ACAN: variants seen among roughly 807,000 people sequenced by gnomAD.
The protein encoded by ACAN is aggrecan core protein.
In ACAN, 47 loss-of-function variants were observed where a neutral mutation model predicts 169.1. The ratio of observed to expected loss-of-function variants is 0.28; its 90% CI spans 0.22 to 0.35. The LOEUF (loss-of-function observed/expected upper bound fraction) is 0.35. ACAN is among the 10% of genes least tolerant of loss of function. The pLI is 1.00. For synonymous variants in ACAN, 1,115 were observed against 1,112.2 expected, an observed-to-expected ratio of 1.00 and a Z score of -0.05; for missense variants, 2,716 against 2,759.9, an observed-to-expected ratio of 0.98 and a Z score of 0.36.
chr15:88,808,735 G>T (rs78066381), intron 1 of ACAN, among the ~76,000 whole-genome samples: 2,262 of 152,236 alleles, frequency 0.015, 45 homozygotes, highest in African/African-American at 0.049. Flanking sequence ...GAATTATCTG[G>T]CCCAAAATGT....
chr15:88,822,917 A>C (rs141148792), intron 1 of ACAN, among the ~76,000 whole-genome samples: 1 of 152,322 alleles, frequency 6.6e-6, no homozygotes, highest in East Asian at 1.9e-4. Context: ...GGATTGGACT[A>C]GTCACCCCTT....
At chr15:88,854,087 T>G (rs2093933349) in intron 11 of ACAN, among the ~76,000 whole-genome samples, 1 of 152,216 alleles carries the variant, frequency 6.6e-6, no homozygotes, top group Non-Finnish European at 1.5e-5. Context: ...TAGTTAGAAT[T>G]GTGGGGTTTC....
At position 88,857,838 on chromosome 15, in the gene ACAN, A is replaced by G. The variant is rs374041400; in HGVS notation, c.5253A>G (p.Gly1751=). ...CTGACACTAGTGGGGAAACATCTGG[A>G]GTGACTGAGCTTAGCGGGCTGTCCT... The part of the protein sequence containing the change: ...GFPDTSGETS[G]VTELSGLSSG... The change falls in exon 12 of 19, where the codon GGA becomes GGG. Residue 1751 remains glycine (G), a synonymous_variant. Coordinates refer to ENST00000560601, the MANE Select transcript of ACAN (RefSeq NM_001369268.1). 63 of 1,613,730 alleles carry G rather than the reference A, an allele frequency of 3.9e-5. No individual in the cohort carries two copies. Among genetic ancestry groups the G allele is most frequent in the Non-Finnish European group, 4.9e-5 (58 of 1,179,882 alleles).
At chr15:88,845,446 A>T (rs1226404917) in intron 6 of ACAN, 59 bp from the exon 7 acceptor site, 2 of 1,539,512 alleles carry the variant, frequency 1.3e-6, no homozygotes, top group African/African-American at 1.4e-5. Context: ...CCCACTCCTC[A>T]TCCCCCTCAA....
chr15:88,804,215 G>A (rs765223435), intron 1 of ACAN, among the ~76,000 whole-genome samples: 1 of 152,216 alleles, frequency 6.6e-6, no homozygotes. Flanking sequence ...TGGAAGGTGT[G>A]CTTCACCTTC....
At chr15:88,832,545 G>A (rs1192067744) in intron 1 of ACAN, among the ~76,000 whole-genome samples, 5 of 152,296 alleles carry the variant, frequency 3.3e-5, no homozygotes, top group Admixed American at 2.0e-4. Context: ...GGGAGGCAGA[G>A]GTTGCAGTGA....
rs1180368531 is a variant in ACAN at position 88,871,318 on chromosome 15, G to A, written c.7061-64G>A. The A allele has an allele frequency of 1.2e-6, 2 of 1,605,608 alleles. No individual in the cohort carries two copies. Among genetic ancestry groups the A allele is most frequent in the African/African-American group, 1.3e-5 (1 of 74,952 alleles). On this transcript the variant is annotated intron_variant, in intron 14 of 18. Transcript: ENST00000560601. The surrounding 1 kb of genome is among the most constrained non-coding windows in gnomAD (Gnocchi z 7.8). ...ACGCAGGAACCTATGCCATAAGACT[G>A]GCAGCATCTGCCATCCCCTGGTGGC...
intron 1 of ACAN, among the ~76,000 whole-genome samples, chr15:88,827,414 A>G (rs181013863): frequency 1.4e-3 from 216 of 152,364 alleles, no homozygotes; most frequent in Middle Eastern, 0.01. Context: ...TTTAAATTAG[A>G]TACAGATGCA....
At chr15:88,841,911 A>G (rs1415840831) in intron 5 of ACAN, 44 bp downstream of exon 5, 1 of 1,610,248 alleles carries the variant, frequency 6.2e-7, no homozygotes, top group African/African-American at 1.3e-5. Context: ...TCCCTTCCCA[A>G]GGCCACCTTC....
At chr15:88,820,317 AAT>A (rs1896044117) in intron 1 of ACAN, among the ~76,000 whole-genome samples, 1 of 152,108 alleles carries the variant, frequency 6.6e-6, no homozygotes, top group African/African-American at 2.4e-5. Context: ...ACTGGATCAT[AAT>A]AGGAACATGA....
Position 88,849,514 on chromosome 15 carries a change from T to C in ACAN, c.1809T>C (p.Ala603=), listed in dbSNP as rs1568116. Residue 603 remains alanine, a synonymous_variant, in exon 10 of 19, where the codon GCT becomes GCC. Transcript: ENST00000560601. This position sits in a 1 kb window ranked among gnomAD's most constrained non-coding sequence, Gnocchi z 5.1. ...EALEFCESHN[A]TLATTGQLYA... ...TGGAGTTCTGTGAATCTCACAATGCTACGCTGGCCACCACGGGCCAGCTCT... is the reference window on the plus strand; with the variant it reads ...TGGAGTTCTGTGAATCTCACAATGCCACGCTGGCCACCACGGGCCAGCTCT... 1,585,313 of 1,607,316 alleles carry C rather than the reference T, an allele frequency of 0.99. 781,843 individuals carry two copies. The highest frequency in any genetic ancestry group is 1 in the East Asian group (44,595 of 44,598).
chr15:88,812,711 A>T (rs556273920), intron 1 of ACAN, among the ~76,000 whole-genome samples: 3 of 152,036 alleles, frequency 2.0e-5, no homozygotes, highest in African/African-American at 7.2e-5. Flanking sequence ...AAAGAAAACA[A>T]ACACCCCCAC....
rs186372667 is a variant in ACAN at position 88,841,002 on chromosome 15, A to G, written c.630-738A>G. ...TACTAAAAAATACAAAAAATTAGCC[A>G]GGCGTGGTGGTGGGCTCCTGTAGTC... On this transcript the variant is annotated intron_variant, in intron 4 of 18. Coordinates refer to ENST00000560601, the MANE Select transcript of ACAN (RefSeq NM_001369268.1). 5.2e-3 allele frequency among the ~76,000 whole-genome samples: 795 copies of G among 152,218 alleles called. 5 individuals are homozygous for G. The highest frequency in any genetic ancestry group is 0.017 in the African/African-American group (696 of 41,554).
intron 1 of ACAN, among the ~76,000 whole-genome samples, chr15:88,810,567 C>A (rs1516796): frequency 0.54 from 81,672 of 151,744 alleles, 22,642 homozygotes; most frequent in East Asian, 0.91. Context: ...AGCCCATCTC[C>A]CTTTGACCTG....
chr15:88,868,033 T>C lies in ACAN; in HGVS notation c.6947-183T>C, dbSNP rs1897307777. ...CCAAGAAAACCCTTGTCTGGATCTT[T>C]GCTTCAGCACTCCAAGATGGCAGCA... On this transcript the variant is annotated intron_variant, in intron 13 of 18. Coordinates refer to ENST00000560601, the MANE Select transcript of ACAN (RefSeq NM_001369268.1). This position sits in a 1 kb window ranked among gnomAD's most constrained non-coding sequence, Gnocchi z 5.2. Among the ~76,000 whole-genome samples, 1 of 152,202 alleles carries C rather than the reference T, an allele frequency of 6.6e-6. No individual in the cohort carries two copies. Among genetic ancestry groups the C allele is most frequent in the Non-Finnish European group, 1.5e-5 (1 of 68,036 alleles).
Position 88,807,998 on chromosome 15 carries a change from G to A in ACAN, c.-8+4189G>A, listed in dbSNP as rs1043285394. ...CTCTTAAGATACACACTCAAAAAAG[G>A]AGCCACCTCTTCTGTGTAGGTCACT... On this transcript the variant is annotated intron_variant, in intron 1 of 18. Coordinates refer to ENST00000560601, the MANE Select transcript of ACAN (RefSeq NM_001369268.1). The surrounding 1 kb of genome is among the most constrained non-coding windows in gnomAD (Gnocchi z 4.0). Among the ~76,000 whole-genome samples the A allele has an allele frequency of 6.6e-6, 1 of 152,184 alleles. No homozygotes were observed. Among genetic ancestry groups the A allele is most frequent in the African/African-American group, 2.4e-5 (1 of 41,438 alleles).
rs997609569 is a variant in ACAN at position 88,859,432 on chromosome 15, T to C, written c.6832+15T>C. 6.4e-7 allele frequency: 1 copy of C among 1,552,152 alleles called. No individual in the cohort carries two copies. The highest frequency in any genetic ancestry group is 8.7e-7 in the Non-Finnish European group (1 of 1,147,250). The stretch of plus-strand genomic sequence containing the variant: ...AACTGCTGCAGGTATTGTGATTTTT[T>C]CCCCCTTTAAATGTGCTTAGGTAGT... On this transcript the variant is annotated intron_variant, in intron 12 of 18. Transcript: ENST00000560601.
In ACAN at chr15:88,873,455, G is replaced by T. The variant is rs1158275237; in HGVS notation, c.7448-387G>T. On this transcript the variant is annotated intron_variant, in intron 17 of 18. Transcript: ENST00000560601. The surrounding 1 kb of genome is among the most constrained non-coding windows in gnomAD (Gnocchi z 7.5). ...GCTTTCAGTCTGTGGACATTGAGGTGCTGGTAGGATGCGCCCCACTGCCCC... is the reference window on the plus strand; with the variant it reads ...GCTTTCAGTCTGTGGACATTGAGGTTCTGGTAGGATGCGCCCCACTGCCCC... Among the ~76,000 whole-genome samples the T allele has an allele frequency of 6.6e-6, 1 of 152,198 alleles. No individual in the cohort carries two copies. Among genetic ancestry groups the T allele is most frequent in the Non-Finnish European group, 1.5e-5 (1 of 68,024 alleles).
Position 88,866,003 on chromosome 15 carries a change from G to C in ACAN, c.6947-2213G>C, listed in dbSNP as rs1246304797. 6.6e-6 allele frequency among the ~76,000 whole-genome samples: 1 copy of C among 151,910 alleles called. No individual in the cohort carries two copies. Among genetic ancestry groups the C allele is most frequent in the Non-Finnish European group, 1.5e-5 (1 of 67,986 alleles). On this transcript the variant is annotated intron_variant, in intron 13 of 18. Transcript: ENST00000560601. The surrounding 1 kb of genome is among the most constrained non-coding windows in gnomAD (Gnocchi z 5.6). Reference sequence around the variant, plus strand: ...TTCCCTCCTCATCTGTAAATCCAGGGCCGTGAAAAAAAAAATTCTGAGCCC... The same window carrying C: ...TTCCCTCCTCATCTGTAAATCCAGGCCCGTGAAAAAAAAAATTCTGAGCCC...
Sources: allele counts gnomAD v4.1 joint callset (sites outside exome capture counted in the v4.1 genomes callset), GRCh38; gene constraint gnomAD v4.1.1; non-coding constraint Gnocchi (gnomAD v3.1); transcripts MANE v1.5; gene names NCBI Gene and HGNC (gene_info 2026-07-23, HGNC 2026-07-21).